The following FER variants were observed in gnomAD, a reference collection of about 807,000 sequenced individuals.
FER encodes the protein FER tyrosine kinase, also known as tyrosine-protein kinase Fer.
FER carries 63 observed loss-of-function variants against 111.0 expected under a neutral mutation model. That is an observed-to-expected ratio of 0.57 (90% CI 0.46 to 0.70). The LOEUF is 0.70. Among genes scored for constraint, FER ranks in the 30% least tolerant of loss-of-function variants. FER has a pLI of 0.00. For missense variants in FER, 914 were observed against 954.0 expected, an observed-to-expected ratio of 0.96 and a Z score of 0.55; for synonymous variants, 327 against 313.9, an observed-to-expected ratio of 1.04 and a Z score of -0.44.
chr5:108,748,723 G>A (rs895111955), intron 1 of FER: 1 of 152,410 alleles, frequency 6.6e-6, no homozygotes, highest in Admixed American at 6.5e-5. Flanking sequence ...ACCCAGCCTA[G>A]GGCCCAAGTC....
chr5:109,067,534 A>AT (rs921321018), intron 16 of FER, among the ~76,000 whole-genome samples: 7 of 150,676 alleles, frequency 4.6e-5, no homozygotes, highest in African/African-American at 1.2e-4. Context: ...TGCCCTCTTT[A>AT]TTTTTTTTAA....
chr5:108,889,764 A>T (rs55769405), intron 9 of FER, among the ~76,000 whole-genome samples: 3,211 of 152,100 alleles, frequency 0.021, 108 homozygotes, highest in African/African-American at 0.074. Flanking sequence ...TTATCAAAAT[A>T]TCTCATGTAC....
At chr5:109,153,205 A>G (rs920203395) in intron 17 of FER, among the ~76,000 whole-genome samples, 1 of 131,792 alleles carries the variant, frequency 7.6e-6, no homozygotes, top group African/African-American at 2.7e-5. Context: ...CCAGGATTTT[A>G]TGGTAAAAAA....
chr5:109,035,672 G>A (rs905713946), intron 13 of FER, among the ~76,000 whole-genome samples: 1 of 152,106 alleles, frequency 6.6e-6, no homozygotes, highest in Non-Finnish European at 1.5e-5. Context: ...TTGAGTCATA[G>A]GATGTGTATG....
At chr5:108,917,937 C>T (rs1041402056) in intron 10 of FER, among the ~76,000 whole-genome samples, 1 of 152,090 alleles carries the variant, frequency 6.6e-6, no homozygotes, top group Non-Finnish European at 1.5e-5. Flanking sequence ...TTCATTTACT[C>T]ATTTATTTAT....
chr5:109,149,091 A>AG (rs1294702655), intron 17 of FER, among the ~76,000 whole-genome samples: 1 of 152,046 alleles, frequency 6.6e-6, no homozygotes, highest in African/African-American at 2.4e-5. Context: ...TATATTAAAA[A>AG]AAATGCAAAA....
intron 17 of FER, among the ~76,000 whole-genome samples, chr5:109,159,872 G>C (rs1271067995): frequency 6.6e-6 from 1 of 152,070 alleles, no homozygotes; most frequent in African/African-American, 2.4e-5. Flanking sequence ...CTACTAAGCA[G>C]ATGATCTGCA....
intron 13 of FER, among the ~76,000 whole-genome samples, chr5:109,000,541 A>G (rs905799497): frequency 3.3e-5 from 5 of 152,168 alleles, no homozygotes; most frequent in African/African-American, 9.6e-5. Context: ...AATGCCCACA[A>G]GAGAAAGCAG....
chr5:108,823,939 G>A (rs1759168612), intron 3 of FER, among the ~76,000 whole-genome samples: 2 of 152,022 alleles, frequency 1.3e-5, no homozygotes, highest in Admixed American at 1.3e-4. Flanking sequence ...AGTTCTTTTT[G>A]AGTTGATTTT....
At chr5:109,091,992 C>G (rs569005233) in intron 16 of FER, among the ~76,000 whole-genome samples, 157 of 151,986 alleles carry the variant, frequency 1.0e-3, no homozygotes, top group African/African-American at 3.7e-3. Context: ...TTTTGCCCTT[C>G]TATCCCTTCT....
At chr5:109,180,669 A>G (rs1416848254) in intron 17 of FER, 78 bp from the exon 18 acceptor site, 4 of 1,460,928 alleles carry the variant, frequency 2.7e-6, no homozygotes, top group African/African-American at 1.4e-5. Context: ...GTAAAAATGC[A>G]AAGTGTGGAA....
intron 8 of FER, among the ~76,000 whole-genome samples, chr5:108,873,908 A>G (rs1764849171): frequency 6.6e-6 from 1 of 152,200 alleles, no homozygotes; most frequent in Admixed American, 6.5e-5. Context: ...AGTTGAATGT[A>G]TGGTGCAAAA....
At chr5:108,925,403 T>C (rs1753598737) in intron 10 of FER, among the ~76,000 whole-genome samples, 1 of 152,062 alleles carries the variant, frequency 6.6e-6, no homozygotes, top group Non-Finnish European at 1.5e-5. Context: ...TATGGTTTAA[T>C]TTAGGAACTT....
At chr5:108,791,050 A>G (rs1401747723) in intron 2 of FER, among the ~76,000 whole-genome samples, 1 of 152,088 alleles carries the variant, frequency 6.6e-6, no homozygotes, top group African/African-American at 2.4e-5. Flanking sequence ...TCACCTGTTG[A>G]TGGATATTTG....
At chr5:109,056,430 G>A (rs1036206479) in intron 16 of FER, among the ~76,000 whole-genome samples, 1 of 152,160 alleles carries the variant, frequency 6.6e-6, no homozygotes. Context: ...AAACACAGAT[G>A]AGCCTGGGGG....
intron 16 of FER, among the ~76,000 whole-genome samples, chr5:109,087,636 T>C (rs1269380380): frequency 1.2e-5 from 1 of 83,402 alleles, no homozygotes; most frequent in Non-Finnish European, 2.4e-5. Context: ...GGGTTGTCAT[T>C]GTAATCCTCA....
At chr5:108,779,754 T>G (rs982154414) in intron 2 of FER, among the ~76,000 whole-genome samples, 3 of 152,186 alleles carry the variant, frequency 2.0e-5, no homozygotes, top group African/African-American at 7.2e-5. Context: ...TTTTATTTTA[T>G]TTTTTCCGAT....
intron 18 of FER, 90 bp downstream of exon 18, chr5:109,180,991 G>C (rs775978974): frequency 1.9e-6 from 2 of 1,061,208 alleles, no homozygotes; most frequent in Non-Finnish European, 2.6e-6. Flanking sequence ...GGGTAGCACA[G>C]AATGCAAGTT....
chr5:108,858,696 T>C (rs1446517302), intron 5 of FER, among the ~76,000 whole-genome samples: 3 of 152,082 alleles, frequency 2.0e-5, no homozygotes, highest in Non-Finnish European at 4.4e-5. Context: ...ATAATATTCT[T>C]TTTCCTTTGC....
Sources: gnomAD v4.1 joint callset for allele counts (sites outside exome capture counted in the v4.1 genomes callset) on GRCh38, gnomAD v4.1.1 for gene constraint, MANE v1.5 for transcripts, NCBI Gene and HGNC (gene_info 2026-07-23, HGNC 2026-07-21) for gene names.